The following CACNA2D3 variants were observed in gnomAD, a reference collection of about 807,000 sequenced individuals.
The protein encoded by CACNA2D3 is voltage-dependent calcium channel subunit alpha-2/delta-3.
CACNA2D3 carries 60 observed loss-of-function variants against 160.6 expected under a neutral mutation model. The observed-to-expected ratio is 0.37, with a 90% CI of 0.30 to 0.46. The LOEUF (loss-of-function observed/expected upper bound fraction) is 0.46, where lower values mean the gene tolerates loss of function less well. Ranked by LOEUF, CACNA2D3 falls within the 20% of genes least tolerant of loss-of-function variation. The probability of loss-of-function intolerance (pLI) is 1.00; values close to 1 mark genes in which losing one functional copy is unlikely to be tolerated. For missense variants in CACNA2D3, 1,205 were observed against 1,365.0 expected, an observed-to-expected ratio of 0.88 and a Z score of 1.85; for synonymous variants, 558 against 492.9, an observed-to-expected ratio of 1.13 and a Z score of -1.75.
rs190473236 is a variant in CACNA2D3, at chr3:54,275,269, G to A, written c.205-45173G>A. Among the ~76,000 whole-genome samples, 291 of 152,242 alleles carry A rather than the reference G, an allele frequency of 1.9e-3. 1 individual carries two copies. The highest frequency in any genetic ancestry group is 3.4e-3 in the Middle Eastern group (1 of 294). On this transcript the variant is annotated intron_variant, in intron 2 of 37. Coordinates refer to ENST00000474759, the MANE Select transcript of CACNA2D3 (RefSeq NM_018398.3). ...CCTCTGTGCCTTTGCTGGATAAGTCGTCTCATGCCTTCAGGTCTCAGGGTG... is the reference window on the plus strand; with the variant it reads ...CCTCTGTGCCTTTGCTGGATAAGTCATCTCATGCCTTCAGGTCTCAGGGTG...
chr3:54,187,927 G>A (rs191311784), intron 2 of CACNA2D3, among the ~76,000 whole-genome samples: 29 of 152,218 alleles, frequency 1.9e-4, no homozygotes, highest in Admixed American at 1.2e-3. Context: ...ACCGTGGTCC[G>A]TGGTCCGGGG....
At position 55,017,211 on chromosome 3, in the gene CACNA2D3, G is replaced by A. The variant is rs138588604; in HGVS notation, c.2876-995G>A. ...CATTCTCTTGGGGAAATGTTAACCA[G>A]TAGACCTCCTGTGAAGAGTACCTAT... On this transcript the variant is annotated intron_variant, in intron 34 of 37. Coordinates refer to ENST00000474759, the MANE Select transcript of CACNA2D3 (RefSeq NM_018398.3). Among the ~76,000 whole-genome samples the A allele has an allele frequency of 3.3e-3, 501 of 152,262 alleles. 1 individual carries two copies. Among genetic ancestry groups the A allele is most frequent in the Non-Finnish European group, 5.6e-3 (383 of 68,030 alleles).
chr3:54,709,359 TCTCTC>T (rs1466521644), intron 11 of CACNA2D3, among the ~76,000 whole-genome samples: 1 of 81,772 alleles, frequency 1.2e-5, no homozygotes, highest in Non-Finnish European at 2.7e-5. Context: ...GTCCTCTCTC[TCTCTC>T]TTTTTTTTTT....
chr3:54,803,129 A>T (rs1279134969), intron 13 of CACNA2D3, among the ~76,000 whole-genome samples: 3 of 152,216 alleles, frequency 2.0e-5, no homozygotes, highest in East Asian at 1.9e-4. Context: ...GCAGAAAAAA[A>T]GGAAACTCTA....
chr3:54,635,953 AAG>A (rs1427071469), intron 10 of CACNA2D3, among the ~76,000 whole-genome samples: 2 of 152,008 alleles, frequency 1.3e-5, no homozygotes, highest in East Asian at 1.9e-4. Flanking sequence ...TATTTAGACT[AAG>A]AGGTATTTTA....
intron 11 of CACNA2D3, among the ~76,000 whole-genome samples, chr3:54,673,998 G>T (rs577154636): frequency 6.6e-5 from 10 of 152,314 alleles, no homozygotes; most frequent in African/African-American, 2.2e-4. Flanking sequence ...CAGAGCAAGG[G>T]AGGCAGCCAG....
chr3:54,907,797 G>A (rs1379688835), intron 27 of CACNA2D3, among the ~76,000 whole-genome samples: 1 of 152,078 alleles, frequency 6.6e-6, no homozygotes, highest in Non-Finnish European at 1.5e-5. Flanking sequence ...TCTATTTTTG[G>A]ACATTCCAGA....
intron 2 of CACNA2D3, among the ~76,000 whole-genome samples, chr3:54,297,953 A>C (rs192976885): frequency 2.6e-4 from 40 of 152,226 alleles, no homozygotes; most frequent in African/African-American, 8.9e-4. Flanking sequence ...CAAATCCCCA[A>C]CACCACCCCA....
chr3:54,389,423 T>C (rs1019918604), intron 4 of CACNA2D3, among the ~76,000 whole-genome samples: 3 of 152,198 alleles, frequency 2.0e-5, no homozygotes, highest in African/African-American at 7.2e-5. Flanking sequence ...CTAAAATTAG[T>C]TGGCAAAAGT....
At chr3:54,950,498 T>C (rs1292191051) in intron 27 of CACNA2D3, among the ~76,000 whole-genome samples, 1 of 152,198 alleles carries the variant, frequency 6.6e-6, no homozygotes, top group African/African-American at 2.4e-5. Flanking sequence ...ACAATAATTA[T>C]AATTAAGATG....
chr3:54,937,167 T>A (rs2106972302), intron 27 of CACNA2D3, among the ~76,000 whole-genome samples: 1 of 152,330 alleles, frequency 6.6e-6, no homozygotes, highest in East Asian at 1.9e-4. Context: ...GGACTCTCAT[T>A]CTGGACCCCT....
chr3:54,187,836 A>G (rs537825777), intron 2 of CACNA2D3, among the ~76,000 whole-genome samples: 3 of 152,218 alleles, frequency 2.0e-5, no homozygotes, highest in African/African-American at 7.2e-5. Context: ...GCTGCCACTG[A>G]TCTGACAGAG....
intron 11 of CACNA2D3, among the ~76,000 whole-genome samples, chr3:54,732,218 C>T (rs966574583): frequency 2.0e-5 from 3 of 152,212 alleles, no homozygotes; most frequent in Non-Finnish European, 2.9e-5. Context: ...TTGGACAGTG[C>T]GAAGCACACA....
intron 2 of CACNA2D3, among the ~76,000 whole-genome samples, chr3:54,158,653 C>T (rs1299901875): frequency 6.6e-6 from 1 of 152,164 alleles, no homozygotes; most frequent in African/African-American, 2.4e-5. Flanking sequence ...TGGACTTCGC[C>T]CACAGTGCTT....
chr3:55,002,609 T>C (rs1002082296), intron 31 of CACNA2D3, among the ~76,000 whole-genome samples: 1 of 152,244 alleles, frequency 6.6e-6, no homozygotes, highest in Non-Finnish European at 1.5e-5. Context: ...GGTCTTCGTT[T>C]CTGTTTGTGT....
At chr3:54,684,015 A>G (rs1700403975) in intron 11 of CACNA2D3, among the ~76,000 whole-genome samples, 5 of 140,984 alleles carry the variant, frequency 3.5e-5, no homozygotes, top group East Asian at 2.0e-4. Context: ...ATGTAGCCCA[A>G]GCTGGAGTGC....
chr3:54,499,737 T>C (rs1474522338), intron 4 of CACNA2D3, among the ~76,000 whole-genome samples: 1 of 152,140 alleles, frequency 6.6e-6, no homozygotes, highest in Non-Finnish European at 1.5e-5. Context: ...TTCATTGTGG[T>C]CTGAGAGCAG....
chr3:54,315,837 G>A (rs1005579907), intron 2 of CACNA2D3, among the ~76,000 whole-genome samples: 5 of 152,128 alleles, frequency 3.3e-5, no homozygotes, highest in African/African-American at 9.7e-5. Context: ...AAGACATGTC[G>A]CTTAACTACA....
At position 54,381,713 on chromosome 3, in the gene CACNA2D3, T is replaced by C. The variant is rs183499208; in HGVS notation, c.322-5002T>C. ...TGTAACAAGAAATAAGATGTGATTTTAAATGAAATGCTTTAATATCCCCGC... is the reference window on the plus strand; with the variant it reads ...TGTAACAAGAAATAAGATGTGATTTCAAATGAAATGCTTTAATATCCCCGC... On this transcript the variant is annotated intron_variant, in intron 3 of 37. Transcript: ENST00000474759. Among the ~76,000 whole-genome samples the C allele has an allele frequency of 4.6e-5, 7 of 152,340 alleles. No individual in the cohort carries two copies. In the East Asian group the frequency reaches 1.3e-3, roughly 29 times the overall value.
Sources: gnomAD v4.1 joint callset for allele counts (sites outside exome capture counted in the v4.1 genomes callset) on GRCh38, gnomAD v4.1.1 for gene constraint, MANE v1.5 for transcripts, NCBI Gene and HGNC (gene_info 2026-07-23, HGNC 2026-07-21) for gene names.